NEGR1: variants seen among roughly 807,000 people sequenced by gnomAD.
NEGR1 encodes IgLON family member 4.
Under a neutral mutation model 40.9 loss-of-function variants are expected in NEGR1, and 10 were observed. The ratio of observed to expected loss-of-function variants is 0.24; its 90% CI spans 0.15 to 0.42. The LOEUF is 0.42. NEGR1 is among the 10% of genes least tolerant of loss of function. The pLI is 1.00. For missense variants in NEGR1, 352 were observed against 438.9 expected (o/e 0.80, Z 1.77); for synonymous variants, 185 against 166.8 (o/e 1.11, Z -0.84).
chr1:71,576,445 A>G (rs929298040), intron 6 of NEGR1, among the ~76,000 whole-genome samples: 2 of 152,212 alleles, frequency 1.3e-5, no homozygotes, highest in Non-Finnish European at 2.9e-5. Context: ...GAAGAATGTG[A>G]ATCACTCAGA....
chr1:72,047,403 C>T (rs1441277935), intron 1 of NEGR1, among the ~76,000 whole-genome samples: 3 of 151,346 alleles, frequency 2.0e-5, no homozygotes, highest in African/African-American at 7.3e-5. Context: ...GCTAGACGAT[C>T]CTATTTCCTA....
At chr1:71,851,013 T>C (rs1259400697) in intron 2 of NEGR1, among the ~76,000 whole-genome samples, 2 of 152,146 alleles carry the variant, frequency 1.3e-5, no homozygotes, top group African/African-American at 4.8e-5. Flanking sequence ...CCACCTCTGA[T>C]AGTTTCAAGA....
At chr1:71,931,953 A>G (rs1233342679) in intron 2 of NEGR1, among the ~76,000 whole-genome samples, 4 of 152,148 alleles carry the variant, frequency 2.6e-5, no homozygotes, top group Non-Finnish European at 5.9e-5. Context: ...ATAATAGGTC[A>G]TTTGATTTAT....
intron 6 of NEGR1, among the ~76,000 whole-genome samples, chr1:71,461,167 C>T (rs1646711877): frequency 6.6e-6 from 1 of 152,108 alleles, no homozygotes; most frequent in Non-Finnish European, 1.5e-5. Context: ...GGCTAATAAA[C>T]ATGATTGTCT....
At chr1:72,068,959 G>A (rs1486077) in intron 1 of NEGR1, among the ~76,000 whole-genome samples, 2,065 of 151,984 alleles carry the variant, frequency 0.014, 46 homozygotes, top group African/African-American at 0.047. Context: ...GTAAAATGTT[G>A]GTCAATTAAC....
At chr1:71,522,292 GC>G (rs1276393106) in intron 6 of NEGR1, among the ~76,000 whole-genome samples, 1 of 151,924 alleles carries the variant, frequency 6.6e-6, no homozygotes, top group Non-Finnish European at 1.5e-5. Context: ...ATGCATTAAT[GC>G]AAAAATGTTA....
At chr1:72,135,664 T>C (rs577969987) in intron 1 of NEGR1, among the ~76,000 whole-genome samples, 1 of 152,132 alleles carries the variant, frequency 6.6e-6, no homozygotes, top group Non-Finnish European at 1.5e-5. Context: ...CAAGAGAGGA[T>C]CAGAGACAAC....
rs1655997878 is a variant in NEGR1 at position 72,275,144 on chromosome 1, C to G, written c.176+7175G>C. On this transcript the variant is annotated intron_variant, in intron 1 of 6. Coordinates refer to ENST00000357731, the MANE Select transcript of NEGR1 (RefSeq NM_173808.3). ...ATCTTTATTTCCCGCACGTACGATGCCACCCATGTGTTTTTCTAATTGAAA... is the reference window on the plus strand; with the variant it reads ...ATCTTTATTTCCCGCACGTACGATGGCACCCATGTGTTTTTCTAATTGAAA... 5 of 708,610 alleles carry G rather than the reference C, an allele frequency of 7.1e-6. No homozygotes were observed. The Admixed American group carries it at 8.4e-5, about 12-fold the overall frequency. 43.9% of individuals were successfully genotyped at this position (708,610 alleles called of 1,614,324 possible).
At chr1:71,950,309 T>C (rs1036444246) in intron 1 of NEGR1, among the ~76,000 whole-genome samples, 2 of 151,982 alleles carry the variant, frequency 1.3e-5, no homozygotes, top group Non-Finnish European at 2.9e-5. Context: ...TAGTATAATT[T>C]GTAGCAAGCA....
At chr1:71,614,629 A>G (rs1650383762) in intron 4 of NEGR1, among the ~76,000 whole-genome samples, 1 of 152,148 alleles carries the variant, frequency 6.6e-6, no homozygotes, top group African/African-American at 2.4e-5. Context: ...TGAAATAACC[A>G]TATGCAACAG....
chr1:71,615,674 C>T (rs1650425238), intron 4 of NEGR1, among the ~76,000 whole-genome samples: 1 of 152,112 alleles, frequency 6.6e-6, no homozygotes, highest in Non-Finnish European at 1.5e-5. Context: ...AGCCCAGATT[C>T]TATAGGGTCT....
chr1:71,940,637 C>T (rs1404407104), intron 1 of NEGR1, among the ~76,000 whole-genome samples: 1 of 152,114 alleles, frequency 6.6e-6, no homozygotes, highest in Non-Finnish European at 1.5e-5. Flanking sequence ...TGTTACTACG[C>T]ATTAGGCAGG....
At chr1:71,718,795 C>T (rs78745281) in intron 3 of NEGR1, among the ~76,000 whole-genome samples, 3,737 of 152,092 alleles carry the variant, frequency 0.025, 145 homozygotes, top group African/African-American at 0.085. Context: ...TCCATTTCTG[C>T]TTCTCTCATA....
intron 1 of NEGR1, among the ~76,000 whole-genome samples, chr1:72,171,582 T>C (rs779775235): frequency 6.6e-6 from 1 of 152,198 alleles, no homozygotes; most frequent in Non-Finnish European, 1.5e-5. Flanking sequence ...CTTTAAATGA[T>C]TTCCTTCCAA....
rs1399516448 is a variant in NEGR1, at chr1:71,928,352, ATATATATATACACATATGTATATATG to A, written c.409+6701_409+6726del. ...TATATGTATATATACACACATGTGT[ATATATATATACACATATGTATATATG>A]TATATATACACACATATGTATATAT... is the stretch of plus-strand genomic sequence containing the variant. On this transcript the variant is annotated intron_variant, in intron 2 of 6. Coordinates refer to ENST00000357731, the MANE Select transcript of NEGR1 (RefSeq NM_173808.3). Among the ~76,000 whole-genome samples, 96 of 74,516 alleles carry A rather than the reference ATATATATATACACATATGTATATATG, an allele frequency of 1.3e-3. 8 individuals carry two copies. Among genetic ancestry groups the A allele is most frequent in the South Asian group, 3.0e-3 (8 of 2,668 alleles). The allele number at this position is 74,516 out of a possible 152,430, so 48.9% of individuals were successfully genotyped here.
intron 6 of NEGR1, among the ~76,000 whole-genome samples, chr1:71,456,985 T>G (rs1283471462): frequency 2.6e-5 from 4 of 152,198 alleles, no homozygotes; most frequent in African/African-American, 4.8e-5. Context: ...GGAAGGTGGT[T>G]GTTGTTTACT....
intron 1 of NEGR1, among the ~76,000 whole-genome samples, chr1:72,002,535 T>C (rs1231888713): frequency 6.6e-6 from 1 of 152,072 alleles, no homozygotes; most frequent in Non-Finnish European, 1.5e-5. Flanking sequence ...AAGTGATAGA[T>C]ATAACCATTA....
intron 2 of NEGR1, among the ~76,000 whole-genome samples, chr1:71,865,765 G>A (rs749630659): frequency 6.6e-6 from 1 of 152,084 alleles, no homozygotes; most frequent in African/African-American, 2.4e-5. Flanking sequence ...AGAGTAGAAT[G>A]CCATTGCATT....
chr1:71,732,910 A>G (rs1654933837), intron 3 of NEGR1, among the ~76,000 whole-genome samples: 3 of 152,078 alleles, frequency 2.0e-5, no homozygotes, highest in African/African-American at 7.2e-5. Context: ...ATGTTTTTCG[A>G]TTTTCAAATA....
Sources: gnomAD v4.1 joint callset for allele counts (sites outside exome capture counted in the v4.1 genomes callset) on GRCh38, gnomAD v4.1.1 for gene constraint, MANE v1.5 for transcripts, NCBI Gene and HGNC (gene_info 2026-07-23, HGNC 2026-07-21) for gene names.